The following NMU variants were observed in gnomAD, a reference collection of about 807,000 sequenced individuals.
The protein encoded by NMU is neuromedin U, also known as neuromedin-U.
Under a neutral mutation model 35.4 loss-of-function variants are expected in NMU, and 29 were observed. That is an observed-to-expected ratio of 0.82 (90% confidence interval 0.61 to 1.12). The LOEUF (loss-of-function observed/expected upper bound fraction) is 1.12. Among genes scored for constraint, NMU ranks in the 50% most tolerant of loss-of-function variants. The probability of loss-of-function intolerance (pLI) is 0.00; values close to 1 mark genes in which losing one functional copy is unlikely to be tolerated. For synonymous variants in NMU, 78 were observed against 81.3 expected, an observed-to-expected ratio of 0.96 and a Z score of 0.22; for missense variants, 199 against 206.2, an observed-to-expected ratio of 0.97 and a Z score of 0.21.
chr4:55,615,166 C>A (rs781024051), intron 3 of NMU, among the ~76,000 whole-genome samples: 3 of 152,228 alleles, frequency 2.0e-5, no homozygotes, highest in Non-Finnish European at 4.4e-5. Flanking sequence ...TTATTCCCCA[C>A]TTCTTAAGTG....
At chr4:55,616,239 T>C (rs1248938237) in intron 3 of NMU, 99 bp downstream of exon 3, 2 of 829,336 alleles carry the variant, frequency 2.4e-6, no homozygotes, top group South Asian at 2.7e-5. Flanking sequence ...CACGTTGACA[T>C]GTTTTCACGA....
chr4:55,618,895 T>G (rs1734240263), intron 2 of NMU, among the ~76,000 whole-genome samples: 1 of 150,606 alleles, frequency 6.6e-6, no homozygotes. Context: ...TTTTTTTTTT[T>G]TTGTCTGGCT....
chr4:55,616,841 A>G (rs953271998), intron 2 of NMU, among the ~76,000 whole-genome samples: 10 of 152,212 alleles, frequency 6.6e-5, no homozygotes, highest in Non-Finnish European at 1.3e-4. Context: ...TTGTTCATAC[A>G]ACATAGGCAA....
At chr4:55,629,151 A>AT (rs1734660013) in intron 2 of NMU, among the ~76,000 whole-genome samples, 1 of 152,082 alleles carries the variant, frequency 6.6e-6, no homozygotes, top group South Asian at 2.1e-4. Context: ...TGGAAGGCAT[A>AT]TTTTTTCTAA....
Position 55,607,536 on chromosome 4 carries a change from TATA to T in NMU, c.280-73_280-71del, listed in dbSNP as rs373082030. 611 of 562,322 alleles carry T rather than the reference TATA, an allele frequency of 1.1e-3. 11 individuals are homozygous for T. In the South Asian group the frequency reaches 0.016, roughly 14 times the overall value. The allele number at this position is 562,322 out of a possible 1,614,324, so 34.8% of individuals were successfully genotyped here. A position where few individuals can be genotyped will look rare whatever the true frequency, so the allele number is the denominator to read the frequency against. On this transcript the variant is annotated intron_variant, in intron 4 of 9. Transcript: ENST00000264218. ...TTTACTATCTTATATACAGTAATTT[TATA>T]ATGTTATAACACATAATTATTTAAA...
intron 6 of NMU, among the ~76,000 whole-genome samples, chr4:55,607,055 T>C (rs1451649308): frequency 6.6e-6 from 1 of 152,200 alleles, no homozygotes; most frequent in East Asian, 1.9e-4. Flanking sequence ...ACATAGCATA[T>C]AGCTAATACT....
intron 9 of NMU, 101 bp from the exon 10 acceptor site, chr4:55,595,512 T>C (rs1486340816): frequency 7.2e-6 from 1 of 138,010 alleles, no homozygotes; most frequent in Non-Finnish European, 1.5e-5. Flanking sequence ...TGTCATAGAA[T>C]AACAGTAGCA....
At chr4:55,598,841 A>T (rs1733309764) in intron 9 of NMU, among the ~76,000 whole-genome samples, 1 of 152,192 alleles carries the variant, frequency 6.6e-6, no homozygotes, top group African/African-American at 2.4e-5. Context: ...GATAAGATCA[A>T]TGTCTACAAA....
At position 55,636,004 on chromosome 4, in the gene NMU, G is replaced by C; in HGVS notation, c.112+77C>G. The C allele has an allele frequency of 1.3e-6, 2 of 1,530,176 alleles. No individual in the cohort carries two copies. The highest frequency in any genetic ancestry group is 1.2e-5 in the South Asian group (1 of 83,610). The allele number at this position is 1,530,176 out of a possible 1,614,324, so 94.8% of individuals were successfully genotyped here. The stretch of plus-strand genomic sequence containing the variant: ...AAGCCAAGTAAAGGTGAGAGAAAGA[G>C]GGTGGAGGAGAGCGGTGAGTGGAGC... On this transcript the variant is annotated intron_variant, in intron 1 of 9. Coordinates refer to ENST00000264218, the MANE Select transcript of NMU (RefSeq NM_006681.4). The surrounding 1 kb of genome is among the most constrained non-coding windows in gnomAD (Gnocchi z 4.0).
In NMU at chr4:55,607,423, G is replaced by C. The variant is rs1206506035; in HGVS notation, c.309+14C>G. 1 of 1,131,366 alleles carries C rather than the reference G, an allele frequency of 8.8e-7. No homozygotes were observed. The highest frequency in any genetic ancestry group is 1.3e-5 in the South Asian group (1 of 77,386). 70.1% of individuals were successfully genotyped at this position (1,131,366 alleles called of 1,614,324 possible). A position where few individuals can be genotyped will look rare whatever the true frequency, so the allele number is the denominator to read the frequency against. ...ATTATTTTATAAGGTATAGATGTATGAAAATCATCTTACCCTTTTAGTATT... is the reference window on the plus strand; with the variant it reads ...ATTATTTTATAAGGTATAGATGTATCAAAATCATCTTACCCTTTTAGTATT... On this transcript the variant is annotated intron_variant, in intron 5 of 9. Transcript: ENST00000264218.
intron 4 of NMU, among the ~76,000 whole-genome samples, chr4:55,607,670 T>G (rs959181852): frequency 2.6e-5 from 4 of 152,214 alleles, no homozygotes; most frequent in Non-Finnish European, 5.9e-5. Flanking sequence ...CAAATAAAGA[T>G]GTGCATAAAG....
intron 1 of NMU, 44 bp from the exon 2 acceptor site, chr4:55,630,504 T>G (rs1414357599): frequency 1.4e-5 from 21 of 1,455,998 alleles, no homozygotes; most frequent in Non-Finnish European, 2.0e-5. Flanking sequence ...ATAGCATTTC[T>G]TCTAAAATTA....
intron 9 of NMU, among the ~76,000 whole-genome samples, chr4:55,598,649 C>G (rs1733302241): frequency 1.3e-5 from 2 of 152,166 alleles, no homozygotes; most frequent in African/African-American, 4.8e-5. Flanking sequence ...TCATGTCTTT[C>G]CACATTTTAA....
At chr4:55,600,975 A>G (rs1219005397) in intron 7 of NMU, among the ~76,000 whole-genome samples, 1 of 152,188 alleles carries the variant, frequency 6.6e-6, no homozygotes, top group African/African-American at 2.4e-5. Context: ...ACAGGGGAAA[A>G]TATAAAACAG....
At chr4:55,608,697 A>T (rs1406220499) in intron 4 of NMU, among the ~76,000 whole-genome samples, 1 of 148,334 alleles carries the variant, frequency 6.7e-6, no homozygotes, top group Non-Finnish European at 1.5e-5. Flanking sequence ...CAATGACAAT[A>T]CAGTTTGCTT....
At chr4:55,606,299 T>C (rs1289928082) in intron 6 of NMU, among the ~76,000 whole-genome samples, 1 of 152,198 alleles carries the variant, frequency 6.6e-6, no homozygotes, top group Non-Finnish European at 1.5e-5. Flanking sequence ...TTTCTAAGTA[T>C]CCTAGATTGA....
chr4:55,596,855 C>T (rs1211985494), intron 9 of NMU, among the ~76,000 whole-genome samples: 1 of 152,122 alleles, frequency 6.6e-6, no homozygotes, highest in African/African-American at 2.4e-5. Context: ...GGAAAAGCTC[C>T]AAAGTGTTTC....
intron 1 of NMU, among the ~76,000 whole-genome samples, chr4:55,633,053 A>G (rs55893990): frequency 0.21 from 31,574 of 150,668 alleles, 3,692 homozygotes; most frequent in South Asian, 0.28. Context: ...GGCTGGGTGC[A>G]GTGGCTCACA....
At chr4:55,605,924 C>T (rs1188601876) in intron 6 of NMU, among the ~76,000 whole-genome samples, 2 of 152,156 alleles carry the variant, frequency 1.3e-5, no homozygotes, top group Non-Finnish European at 2.9e-5. Context: ...AGGTGTCAAG[C>T]CAAAGAAATT....
Sources: allele counts gnomAD v4.1 joint callset (sites outside exome capture counted in the v4.1 genomes callset), GRCh38; gene constraint gnomAD v4.1.1; non-coding constraint Gnocchi (gnomAD v3.1); transcripts MANE v1.5; gene names NCBI Gene and HGNC (gene_info 2026-07-23, HGNC 2026-07-21).